TDRD3: variants seen among roughly 807,000 people sequenced by gnomAD.
The protein encoded by TDRD3 is tudor domain-containing protein 3.
In TDRD3, 45 loss-of-function variants were observed where a neutral mutation model predicts 86.7. The observed-to-expected ratio is 0.52, with a 90% CI of 0.41 to 0.67. TDRD3 has a LOEUF of 0.67. Among genes scored for constraint, TDRD3 ranks in the 30% least tolerant of loss-of-function variants. The pLI is 0.00. For synonymous variants in TDRD3, 298 were observed against 301.7 expected (o/e 0.99, Z 0.13); for missense variants, 814 against 889.0 (o/e 0.92, Z 1.07).
At chr13:60,544,983 C>T (rs570986247) in intron 12 of TDRD3, among the ~76,000 whole-genome samples, 8 of 152,160 alleles carry the variant, frequency 5.3e-5, no homozygotes, top group African/African-American at 1.9e-4. Context: ...TGGTGGTCAC[C>T]TTTATTACTG....
chr13:60,456,775 A>T (rs1955682842), intron 3 of TDRD3, among the ~76,000 whole-genome samples: 1 of 152,056 alleles, frequency 6.6e-6, no homozygotes, highest in South Asian at 2.1e-4. Context: ...GGTTCACTGT[A>T]GCCTCCACCT....
chr13:60,471,223 G>A (rs1956070963), intron 5 of TDRD3, among the ~76,000 whole-genome samples: 2 of 152,062 alleles, frequency 1.3e-5, no homozygotes, highest in South Asian at 4.1e-4. Context: ...GTTAATTTTT[G>A]TATTAGTAAA....
chr13:60,399,524 T>G (rs1323255715), intron 1 of TDRD3, among the ~76,000 whole-genome samples: 1 of 152,170 alleles, frequency 6.6e-6, no homozygotes, highest in African/African-American at 2.4e-5. Flanking sequence ...GGTCTTTAAT[T>G]GGGGACTTAC....
In TDRD3 at chr13:60,493,119, C is replaced by T. The variant is rs990437838; in HGVS notation, c.718-1316C>T. On this transcript the variant is annotated intron_variant, in intron 7 of 13. Coordinates refer to ENST00000377881, the MANE Select transcript of TDRD3 (RefSeq NM_001146070.2). ...ATTTTTAGTAGAAACGGGGTTTCACCGTGTTAGCCAAGATGGTCTCGATCT... is the reference window on the plus strand; with the variant it reads ...ATTTTTAGTAGAAACGGGGTTTCACTGTGTTAGCCAAGATGGTCTCGATCT... 2.0e-5 allele frequency among the ~76,000 whole-genome samples: 3 copies of T among 151,354 alleles called. No homozygotes were observed. The East Asian group carries it at 5.9e-4, about 30-fold the overall frequency.
intron 8 of TDRD3, among the ~76,000 whole-genome samples, chr13:60,496,287 CCATATATATATATATATATATA>C (rs1956711904): frequency 1.7e-5 from 1 of 57,498 alleles, no homozygotes; most frequent in Non-Finnish European, 3.1e-5. Flanking sequence ...TAACAAACTC[CCATATATATATATATATATATA>C]TATATATATA....
intron 10 of TDRD3, among the ~76,000 whole-genome samples, chr13:60,527,372 T>C (rs1413352123): frequency 6.6e-6 from 1 of 152,158 alleles, no homozygotes; most frequent in East Asian, 1.9e-4. Context: ...TTAATTTCCT[T>C]GCAACAGAGG....
At chr13:60,502,478 T>C (rs760312885) in intron 8 of TDRD3, among the ~76,000 whole-genome samples, 10 of 152,336 alleles carry the variant, frequency 6.6e-5, no homozygotes, top group South Asian at 2.1e-4. Context: ...TTTAGTCTTA[T>C]ACTTGGCCTG....
intron 10 of TDRD3, among the ~76,000 whole-genome samples, chr13:60,518,823 T>G (rs1957225308): frequency 6.6e-6 from 1 of 152,174 alleles, no homozygotes; most frequent in Admixed American, 6.5e-5. Flanking sequence ...AGAACTAGTC[T>G]CTGTAAAATA....
intron 8 of TDRD3, among the ~76,000 whole-genome samples, chr13:60,495,829 T>C (rs1385768437): frequency 1.3e-5 from 2 of 152,104 alleles, no homozygotes; most frequent in East Asian, 3.9e-4. Flanking sequence ...AGAACACTGA[T>C]CTTAGGAGCA....
chr13:60,445,006 G>A (rs1182696483), intron 3 of TDRD3, among the ~76,000 whole-genome samples: 1 of 151,348 alleles, frequency 6.6e-6, no homozygotes, highest in Non-Finnish European at 1.5e-5. Context: ...TGAACGGTGA[G>A]ACTTAAAACC....
At chr13:60,454,238 AT>A (rs1955613189) in intron 3 of TDRD3, among the ~76,000 whole-genome samples, 1 of 152,110 alleles carries the variant, frequency 6.6e-6, no homozygotes, top group Non-Finnish European at 1.5e-5. Flanking sequence ...ATGGCTTGAT[AT>A]GTATTGGTAA....
At chr13:60,556,125 C>T (rs1382197966) in intron 12 of TDRD3, among the ~76,000 whole-genome samples, 6 of 152,154 alleles carry the variant, frequency 3.9e-5, no homozygotes, top group Admixed American at 6.5e-5. Context: ...GGATTACAGG[C>T]GTGAGCCACC....
intron 3 of TDRD3, among the ~76,000 whole-genome samples, chr13:60,457,145 A>C (rs1955695519): frequency 6.6e-6 from 1 of 152,222 alleles, no homozygotes. Context: ...TAATGAAAAA[A>C]ATCGTTATAT....
chr13:60,462,967 A>G (rs1955833048), intron 4 of TDRD3, among the ~76,000 whole-genome samples: 1 of 152,168 alleles, frequency 6.6e-6, no homozygotes, highest in Non-Finnish European at 1.5e-5. Context: ...AAATCCACAT[A>G]CTTATAGCCA....
intron 8 of TDRD3, among the ~76,000 whole-genome samples, chr13:60,497,966 A>G: frequency 6.6e-6 from 1 of 152,044 alleles, no homozygotes; most frequent in Non-Finnish European, 1.5e-5. Context: ...CTGAATCTGC[A>G]TTTAATATTG....
intron 5 of TDRD3, 144 bp from the exon 6 acceptor site, chr13:60,483,631 G>T: frequency 1.6e-6 from 1 of 621,670 alleles, no homozygotes; most frequent in Non-Finnish European, 2.6e-6. Flanking sequence ...TTTTTTTGTG[G>T]TTTGAAATAC....
intron 5 of TDRD3, among the ~76,000 whole-genome samples, chr13:60,471,182 C>T (rs1214581126): frequency 6.6e-6 from 1 of 152,098 alleles, no homozygotes; most frequent in Non-Finnish European, 1.5e-5. Flanking sequence ...ATAGGTTTAG[C>T]TTTTATGCTT....
intron 10 of TDRD3, 57 bp from the exon 11 acceptor site, chr13:60,528,310 A>T (rs1455335709): frequency 1.3e-6 from 2 of 1,487,630 alleles, no homozygotes; most frequent in Non-Finnish European, 1.8e-6. Context: ...ATTTTAAAAT[A>T]ATTATTAATG....
At chr13:60,567,890 A>ATTTTT (rs58242240) in intron 13 of TDRD3, among the ~76,000 whole-genome samples, 8 of 132,934 alleles carry the variant, frequency 6.0e-5, no homozygotes, top group Non-Finnish European at 6.4e-5. Flanking sequence ...TGCCCAGCTG[A>ATTTTT]TTTTTTTTTT....
Sources: allele counts gnomAD v4.1 joint callset (sites outside exome capture counted in the v4.1 genomes callset), GRCh38; gene constraint gnomAD v4.1.1; transcripts MANE v1.5; gene names NCBI Gene and HGNC (gene_info 2026-07-23, HGNC 2026-07-21).